KNTC1: variants seen among roughly 807,000 people sequenced by gnomAD.
KNTC1 encodes the protein kinetochore-associated protein 1.
In KNTC1, 253 loss-of-function variants were observed where a neutral mutation model predicts 314.4. That is an observed-to-expected ratio of 0.80 (90% CI 0.73 to 0.89). The LOEUF (loss-of-function observed/expected upper bound fraction) is 0.89. Among genes scored for constraint, KNTC1 ranks in the 40% least tolerant of loss-of-function variants. The probability of loss-of-function intolerance (pLI) is 0.00; values close to 1 mark genes in which losing one functional copy is unlikely to be tolerated. For synonymous variants in KNTC1, 901 were observed against 901.4 expected (o/e 1.00, Z 0.01); for missense variants, 2,475 against 2,572.9 (o/e 0.96, Z 0.82).
At chr12:122,532,638 A>G (rs914200898) in intron 2 of KNTC1, among the ~76,000 whole-genome samples, 1 of 152,234 alleles carries the variant, frequency 6.6e-6, no homozygotes, top group Non-Finnish European at 1.5e-5. Flanking sequence ...CTAAAATTCT[A>G]TCTATTATTA....
chr12:122,577,164 G>A (rs992877634), intron 30 of KNTC1, 135 bp downstream of exon 30: 3 of 600,128 alleles, frequency 5.0e-6, no homozygotes, highest in Non-Finnish European at 7.8e-6. Context: ...TGGTCACGCT[G>A]GTCTCAAACT....
At chr12:122,548,768 G>C (rs1460679687) in intron 12 of KNTC1, among the ~76,000 whole-genome samples, 1 of 151,968 alleles carries the variant, frequency 6.6e-6, no homozygotes, top group Non-Finnish European at 1.5e-5. Flanking sequence ...AAGAGTTTGA[G>C]ACCAGTCTGG....
At chr12:122,614,891 AAAGC>A in intron 55 of KNTC1, 96 bp from the exon 56 acceptor site, 3 of 752,490 alleles carry the variant, frequency 4.0e-6, no homozygotes, top group Admixed American at 2.7e-5. Context: ...AAAAAAAAAA[AAAGC>A]AGCATATTTT....
Position 122,602,861 on chromosome 12 carries a change from T to C in KNTC1, c.4858T>C (p.Leu1620=). Residue 1620 remains leucine, a synonymous_variant, in exon 47 of 64, where the codon TTG becomes CTG. Coordinates refer to ENST00000333479, the MANE Select transcript of KNTC1 (RefSeq NM_014708.6). ...ACTCAGTGAAGAATCTTTCCCAACATTGCTCTTAATTTCGAAATTAATGAA... is the reference window on the plus strand; with the variant it reads ...ACTCAGTGAAGAATCTTTCCCAACACTGCTCTTAATTTCGAAATTAATGAA... The part of the protein sequence containing the change: ...TELSEESFPT[L]LLISKLMKFS... The C allele has an allele frequency of 6.2e-7, 1 of 1,611,596 alleles. No homozygotes were observed. Among genetic ancestry groups the C allele is most frequent in the East Asian group, 2.2e-5 (1 of 44,872 alleles).
chr12:122,574,196 TATA>T (rs1443366011), intron 26 of KNTC1, 83 bp from the exon 27 acceptor site: 1 of 709,214 alleles, frequency 1.4e-6, no homozygotes, highest in Non-Finnish European at 2.4e-6. Flanking sequence ...ATCAAGGCCA[TATA>T]ATATCTGTAT....
At chr12:122,573,400 A>T (rs1482894845) in intron 26 of KNTC1, 115 bp downstream of exon 26, 2 of 950,962 alleles carry the variant, frequency 2.1e-6, no homozygotes, top group East Asian at 2.4e-5. Context: ...CTCATGCAGC[A>T]TATTGAATTG....
intron 20 of KNTC1, among the ~76,000 whole-genome samples, chr12:122,564,789 A>C (rs898539701): frequency 6.6e-6 from 1 of 152,058 alleles, no homozygotes; most frequent in Admixed American, 6.6e-5. Flanking sequence ...CTTTAACACA[A>C]ATATTTTTAC....
At chr12:122,610,787 T>G (rs1401879627) in intron 52 of KNTC1, 35 bp from the exon 53 acceptor site, 19 of 1,375,264 alleles carry the variant, frequency 1.4e-5, no homozygotes, top group Non-Finnish European at 1.9e-5. Flanking sequence ...CATCACTAAA[T>G]TAAAAAATGA....
intron 63 of KNTC1, among the ~76,000 whole-genome samples, chr12:122,625,442 C>G (rs1874923466): frequency 6.6e-6 from 1 of 151,938 alleles, no homozygotes; most frequent in Non-Finnish European, 1.5e-5. Flanking sequence ...TGGTGGGAGC[C>G]TGTAATCCCA....
chr12:122,539,766 T>C lies in KNTC1; in HGVS notation c.445+12T>C. The C allele has an allele frequency of 1.3e-6, 2 of 1,496,114 alleles. No homozygotes were observed. Among genetic ancestry groups the C allele is most frequent in the East Asian group, 2.5e-5 (1 of 40,652 alleles). 92.7% of individuals were successfully genotyped at this position (1,496,114 alleles called of 1,614,324 possible). ...TGGTTCAAATGAAGGTAAGTTTTCC[T>C]GAATTTTTTTTTGAATGACTTTTTT... On this transcript the variant is annotated intron_variant, in intron 5 of 63. Transcript: ENST00000333479.
intron 16 of KNTC1, among the ~76,000 whole-genome samples, chr12:122,553,884 A>C (rs910557161): frequency 2.6e-5 from 4 of 152,044 alleles, no homozygotes; most frequent in Admixed American, 2.0e-4. Flanking sequence ...AAGCTGAAAG[A>C]CATCTGGAGG....
rs190957247 is a variant in KNTC1, at chr12:122,622,057, C to T, written c.6369+87C>T. The T allele has an allele frequency of 1.9e-3, 1,702 of 900,242 alleles. 7 individuals are homozygous for T. The highest frequency in any genetic ancestry group is 2.4e-3 in the Non-Finnish European group (1,380 of 567,370). 55.8% of individuals were successfully genotyped at this position (900,242 alleles called of 1,614,324 possible). A position where few individuals can be genotyped will look rare whatever the true frequency, so the allele number is the denominator to read the frequency against. On this transcript the variant is annotated intron_variant, in intron 61 of 63. Coordinates refer to ENST00000333479, the MANE Select transcript of KNTC1 (RefSeq NM_014708.6). ...TCCCAAACCAAGAGTAAGCTGAAAA[C>T]TGCTATGTCTAGCTGTTTGTTTATG...
At chr12:122,579,776 T>C in intron 31 of KNTC1, 129 bp from the exon 32 acceptor site, 1 of 645,366 alleles carries the variant, frequency 1.5e-6, no homozygotes, top group Non-Finnish European at 2.7e-6. Context: ...TAACCATCCA[T>C]TTCTCAGCTG....
Position 122,619,434 on chromosome 12 carries a change from A to G in KNTC1, c.6149+889A>G, listed in dbSNP as rs185577502. Among the ~76,000 whole-genome samples the G allele has an allele frequency of 1.9e-4, 28 of 150,760 alleles. No homozygotes were observed. In the East Asian group the frequency reaches 5.3e-3, roughly 28 times the overall value. ...ACACTTGTTTTGTTTTGTTTTTGAGACGGAGTCTTGCTCTGTCACCCAGGC... is the reference window on the plus strand; with the variant it reads ...ACACTTGTTTTGTTTTGTTTTTGAGGCGGAGTCTTGCTCTGTCACCCAGGC... On this transcript the variant is annotated intron_variant, in intron 59 of 63. Transcript: ENST00000333479.
At chr12:122,595,624 G>A (rs892612988) in intron 43 of KNTC1, among the ~76,000 whole-genome samples, 1 of 152,192 alleles carries the variant, frequency 6.6e-6, no homozygotes, top group Non-Finnish European at 1.5e-5. Flanking sequence ...TATAGGCTGC[G>A]CATAGCTCGA....
intron 18 of KNTC1, 71 bp from the exon 19 acceptor site, chr12:122,561,850 C>A: frequency 7.6e-7 from 1 of 1,323,712 alleles, no homozygotes; most frequent in Non-Finnish European, 1.0e-6. Context: ...TGTTATTTCA[C>A]AGAAAATCCA....
rs927082915 is a variant in KNTC1 at position 122,624,836 on chromosome 12, G to A, written c.6606+148G>A. 2.3e-5 allele frequency: 16 copies of A among 680,964 alleles called. No homozygotes were observed. In the Admixed American group the frequency reaches 3.0e-4, roughly 13 times the overall value. The allele number at this position is 680,964 out of a possible 1,614,324, so 42.2% of individuals were successfully genotyped here. ...TTTATATTTTACTTTTTGTGTTAGA[G>A]AGTTCTAAACTAGAAATCAAGAGAC... On this transcript the variant is annotated intron_variant, in intron 63 of 63. Transcript: ENST00000333479.
intron 59 of KNTC1, 101 bp downstream of exon 59, chr12:122,618,646 A>G: frequency 1.1e-6 from 1 of 887,906 alleles, no homozygotes; most frequent in East Asian, 2.5e-5. Context: ...TTTGTTAGGA[A>G]GTTAAGCATA....
intron 16 of KNTC1, among the ~76,000 whole-genome samples, chr12:122,555,710 G>A (rs527834705): frequency 6.6e-6 from 1 of 152,090 alleles, no homozygotes; most frequent in South Asian, 2.1e-4. Flanking sequence ...TTATCCTGGT[G>A]TGGTGGCAGG....
Sources: allele counts gnomAD v4.1 joint callset (sites outside exome capture counted in the v4.1 genomes callset), GRCh38; gene constraint gnomAD v4.1.1; transcripts MANE v1.5; gene names NCBI Gene and HGNC (gene_info 2026-07-23, HGNC 2026-07-21).